Variants in SCHIP1 observed in about 807,000 individuals in gnomAD.
SCHIP1 encodes schwannomin-interacting protein 1.
Under a neutral mutation model 29.7 loss-of-function variants are expected in SCHIP1, and 8 were observed. The observed-to-expected ratio is 0.27, with a 90% confidence interval of 0.16 to 0.49. SCHIP1 has a LOEUF of 0.49. Ranked by LOEUF, SCHIP1 falls within the 20% of genes least tolerant of loss-of-function variation. The pLI is 0.99. For missense variants in SCHIP1, 193 were observed against 294.6 expected, an observed-to-expected ratio of 0.66 and a Z score of 2.52; for synonymous variants, 76 against 94.9, an observed-to-expected ratio of 0.80 and a Z score of 1.16.
chr3:159,376,152 G>A, the SCHIP1 span, among the ~76,000 whole-genome samples: 1 of 152,114 alleles, frequency 6.6e-6, no homozygotes, highest in Non-Finnish European at 1.5e-5. Flanking sequence ...GGGAAAAAAG[G>A]TTTTCAGGAG....
chr3:159,651,736 T>G, the SCHIP1 span, among the ~76,000 whole-genome samples: 1 of 152,206 alleles, frequency 6.6e-6, no homozygotes, highest in South Asian at 2.1e-4. Flanking sequence ...TACTGAAAAG[T>G]CTAGCATCAA....
At chr3:159,442,172 T>C in the SCHIP1 span, among the ~76,000 whole-genome samples, 230 of 152,288 alleles carry the variant, frequency 1.5e-3, no homozygotes, top group African/African-American at 5.4e-3. Flanking sequence ...CCAGGGCTCC[T>C]TGCATGTATG....
At chr3:159,284,187 A>G in the SCHIP1 span, among the ~76,000 whole-genome samples, 1 of 152,150 alleles carries the variant, frequency 6.6e-6, no homozygotes, top group South Asian at 2.1e-4. Flanking sequence ...CTTTTCTTAT[A>G]AATACTTTAA....
chr3:159,809,657 T>TC, the SCHIP1 span, among the ~76,000 whole-genome samples: 1 of 120,842 alleles, frequency 8.3e-6, no homozygotes, highest in Non-Finnish European at 1.8e-5. Context: ...CAAAACTCCA[T>TC]CTCAAAAAAA....
chr3:159,714,424 G>A, the SCHIP1 span, among the ~76,000 whole-genome samples: 2 of 152,196 alleles, frequency 1.3e-5, no homozygotes, highest in African/African-American at 4.8e-5. Flanking sequence ...CGGACCGTAA[G>A]CCGAAGCAGG....
chr3:159,303,917 TTAGTTACG>T, the SCHIP1 span, among the ~76,000 whole-genome samples: 1 of 152,020 alleles, frequency 6.6e-6, no homozygotes, highest in East Asian at 1.9e-4. Context: ...ATTGTGCAGG[TTAGTTACG>T]TATGTATACA....
chr3:159,811,545 T>G, the SCHIP1 span, among the ~76,000 whole-genome samples: 2 of 152,234 alleles, frequency 1.3e-5, no homozygotes, highest in African/African-American at 4.8e-5. Context: ...AAGACTGTCC[T>G]TTCCCCATTG....
the SCHIP1 span, among the ~76,000 whole-genome samples, chr3:159,697,251 A>C: frequency 2.0e-5 from 3 of 152,338 alleles, no homozygotes; most frequent in East Asian, 1.9e-4. Context: ...GGAAAAAGAC[A>C]TGAGGGAGAA....
chr3:159,680,697 A>AT, the SCHIP1 span, among the ~76,000 whole-genome samples: 1 of 6,594 alleles, frequency 1.5e-4, no homozygotes, highest in Non-Finnish European at 4.0e-4. Flanking sequence ...GTATATATAT[A>AT]ATATATATTA....
the SCHIP1 span, among the ~76,000 whole-genome samples, chr3:159,361,510 A>C: frequency 5.9e-5 from 9 of 152,362 alleles, no homozygotes; most frequent in Middle Eastern, 3.4e-3. Context: ...ACAGTAGACC[A>C]TTGTAAAGAA....
chr3:159,390,648 T>G, the SCHIP1 span, among the ~76,000 whole-genome samples: 2 of 152,162 alleles, frequency 1.3e-5, no homozygotes, highest in Non-Finnish European at 2.9e-5. Context: ...TTTTTAAAAT[T>G]CTTAAATTTT....
chr3:159,522,254 T>C, the SCHIP1 span, among the ~76,000 whole-genome samples: 2 of 152,178 alleles, frequency 1.3e-5, no homozygotes, highest in Non-Finnish European at 2.9e-5. Flanking sequence ...TATAAACACA[T>C]ACCTTTGTCA....
chr3:159,498,299 T>C, the SCHIP1 span, among the ~76,000 whole-genome samples: 19 of 152,228 alleles, frequency 1.2e-4, no homozygotes, highest in Middle Eastern at 3.2e-3. Flanking sequence ...ATAATTGTCT[T>C]GTTCAAAGAG....
intron 1 of SCHIP1, among the ~76,000 whole-genome samples, chr3:159,857,229 A>G (rs1402620456): frequency 1.3e-5 from 2 of 152,198 alleles, no homozygotes; most frequent in Non-Finnish European, 2.9e-5. Context: ...GGGCTGTTTC[A>G]GGTAACTAGA....
At chr3:159,665,697 C>T in the SCHIP1 span, among the ~76,000 whole-genome samples, 1 of 152,052 alleles carries the variant, frequency 6.6e-6, no homozygotes, top group African/African-American at 2.4e-5. Context: ...CATGCAAGCA[C>T]CCCAAAGTGA....
At chr3:159,626,115 TAG>T in the SCHIP1 span, among the ~76,000 whole-genome samples, 4 of 120,680 alleles carry the variant, frequency 3.3e-5, no homozygotes, top group African/African-American at 2.3e-4. Context: ...GATAGATAGA[TAG>T]ATAGATAGAT....
chr3:159,891,350 G>A (rs1185215253), intron 5 of SCHIP1, among the ~76,000 whole-genome samples: 4 of 151,898 alleles, frequency 2.6e-5, no homozygotes, highest in African/African-American at 7.3e-5. Context: ...CAGCCTGGGC[G>A]GCAGAGTGAG....
chr3:159,298,577 T>C, the SCHIP1 span, among the ~76,000 whole-genome samples: 1 of 152,192 alleles, frequency 6.6e-6, no homozygotes, highest in South Asian at 2.1e-4. Flanking sequence ...AGTTAGATGC[T>C]GATAGAATAA....
At chr3:159,289,328 G>A in the SCHIP1 span, among the ~76,000 whole-genome samples, 1 of 152,110 alleles carries the variant, frequency 6.6e-6, no homozygotes, top group Non-Finnish European at 1.5e-5. Flanking sequence ...TAACTCCAAA[G>A]TCCTATGTGA....
Sources: allele counts gnomAD v4.1 joint callset (sites outside exome capture counted in the v4.1 genomes callset), GRCh38; gene constraint gnomAD v4.1.1; transcripts MANE v1.5; gene names NCBI Gene and HGNC (gene_info 2026-07-23, HGNC 2026-07-21).